ABCF1: variants seen among roughly 807,000 people sequenced by gnomAD.
ABCF1 encodes ATP binding cassette subfamily F member 1.
Under a neutral mutation model 126.3 loss-of-function variants are expected in ABCF1, and 73 were observed. The observed-to-expected ratio is 0.58, with a 90% CI of 0.48 to 0.70. The LOEUF (loss-of-function observed/expected upper bound fraction) is 0.70, where lower values mean the gene tolerates loss of function less well. ABCF1 is among the 30% of genes least tolerant of loss of function. The probability of loss-of-function intolerance (pLI) is 0.00; values close to 1 mark genes in which losing one functional copy is unlikely to be tolerated. For missense variants in ABCF1, 786 were observed against 1,057.5 expected (o/e 0.74, Z 3.56); for synonymous variants, 345 against 396.4 (o/e 0.87, Z 1.54).
intron 4 of ABCF1, 32 bp from the exon 5 acceptor site, chr6:30,578,316 T>C (rs751837341): frequency 6.2e-7 from 1 of 1,613,952 alleles, no homozygotes; most frequent in Non-Finnish European, 8.5e-7. Context: ...TGTAATTCTT[T>C]CCTATCTCAT....
Position 30,587,897 on chromosome 6 carries a change from G to GTT in ABCF1, c.2031+1197_2031+1198dup, listed in dbSNP as rs558653432. Among the ~76,000 whole-genome samples the GTT allele has an allele frequency of 2.2e-4, 31 of 141,974 alleles. 1 individual carries two copies. The highest frequency in any genetic ancestry group is 1.2e-3 in the East Asian group (6 of 4,952). The allele number at this position is 141,974 out of a possible 152,430, so 93.1% of individuals were successfully genotyped here. ...CAAGAGAAAAATCTGGAGATAACCA[G>GTT]TTTTTTTTTTTTGTTATTTTGTTTT... On this transcript the variant is annotated intron_variant, in intron 20 of 24. Coordinates refer to ENST00000326195, the MANE Select transcript of ABCF1 (RefSeq NM_001025091.2).
chr6:30,571,672 A>C, intron 1 of ABCF1, 112 bp downstream of exon 1: 1 of 1,186,478 alleles, frequency 8.4e-7, no homozygotes, highest in South Asian at 1.4e-5. Flanking sequence ...TGCGGGAGTT[A>C]CTGCGCATGC....
intron 8 of ABCF1, among the ~76,000 whole-genome samples, chr6:30,580,802 TA>T (rs1801779246): frequency 6.6e-6 from 1 of 151,966 alleles, no homozygotes; most frequent in African/African-American, 2.4e-5. Flanking sequence ...GCCTACTGAG[TA>T]GCTGGGACTA....
At position 30,574,852 on chromosome 6, in the gene ABCF1, G is replaced by A. The variant is rs117594551; in HGVS notation, c.74-2557G>A. On this transcript the variant is annotated intron_variant, in intron 1 of 24. Coordinates refer to ENST00000326195, the MANE Select transcript of ABCF1 (RefSeq NM_001025091.2). The surrounding 1 kb of genome is among the most constrained non-coding windows in gnomAD (Gnocchi z 4.3). ...AAAGGAACAGAAAGAAGCCAGTATC[G>A]AGACCAGAGGTGTGGGTAGGGAAAC... is the stretch of plus-strand genomic sequence containing the variant. Among the ~76,000 whole-genome samples, 2 of 152,174 alleles carry A rather than the reference G, an allele frequency of 1.3e-5. No homozygotes were observed. Among genetic ancestry groups the A allele is most frequent in the East Asian group, 1.9e-4 (1 of 5,180 alleles).
Position 30,583,698 on chromosome 6 carries a change from G to A in ABCF1, c.1006G>A (p.Gly336Arg). The A allele has an allele frequency of 6.2e-7, 1 of 1,614,098 alleles. No individual in the cohort carries two copies. Among genetic ancestry groups the A allele is most frequent in the South Asian group, 1.1e-5 (1 of 91,086 alleles). The change falls in exon 11 of 25, where the codon GGA (glycine) becomes AGA (arginine). Residue 336 changes from glycine to arginine, a missense_variant. Gly to Arg is a moderately radical substitution (Grantham distance 125, BLOSUM62 -2). Coordinates refer to ENST00000326195, the MANE Select transcript of ABCF1 (RefSeq NM_001025091.2). The surrounding 1 kb of genome is among the most constrained non-coding windows in gnomAD (Gnocchi z 4.1). The stretch of plus-strand genomic sequence containing the variant: ...AGCCGGCCGCCGCTACGGGCTGGTA[G>A]GACCCAATGGGTGAGAAGAGGAGGG... ...IVAGRRYGLV[G>R]PNGKGKTTLL...
Position 30,578,486 on chromosome 6 carries a change from C to T in ABCF1, c.398C>T (p.Ala133Val), listed in dbSNP as rs201652352. ...ATTCTCTAGGGTGGTAATGTTTTTG[C>T]AGCCCTGATTCAGGATCAGAGTGAG... ...GKKTKGGNVF[A>V]ALIQDQSEEE... The change falls in exon 6 of 25, where the codon GCA (alanine) becomes GTA (valine). Residue 133 changes from alanine (A) to valine (V), a missense_variant. By Grantham distance (64) the Ala-to-Val change is moderately conservative. Coordinates refer to ENST00000326195, the MANE Select transcript of ABCF1 (RefSeq NM_001025091.2). 1.1e-4 allele frequency: 180 copies of T among 1,613,914 alleles called. 1 individual carries two copies. In the East Asian group the frequency reaches 3.9e-3, roughly 35 times the overall value.
In ABCF1 at chr6:30,578,204, T is replaced by G; in HGVS notation, c.343+2T>G. 2 of 1,613,756 alleles carry G rather than the reference T, an allele frequency of 1.2e-6. No homozygotes were observed. Among genetic ancestry groups the G allele is most frequent in the South Asian group, 2.2e-5 (2 of 91,056 alleles). On this transcript the variant is annotated splice_donor_variant, in intron 4 of 24. Coordinates refer to ENST00000326195, the MANE Select transcript of ABCF1 (RefSeq NM_001025091.2). LOFTEE classifies it high-confidence loss of function. ...CAACCAGTGATGAGGAGGATGAAGGTAAATGACCTGAGGGGGAATGGGTAC... is the reference window on the plus strand; with the variant it reads ...CAACCAGTGATGAGGAGGATGAAGGGAAATGACCTGAGGGGGAATGGGTAC...
chr6:30,588,008 T>C (rs6941249), intron 20 of ABCF1, among the ~76,000 whole-genome samples: 6,323 of 152,068 alleles, frequency 0.042, 200 homozygotes, highest in African/African-American at 0.086. Context: ...GTTCAAGATA[T>C]TCTCCTGCCT....
rs1802165860 is a variant in ABCF1, at chr6:30,586,870, A to G, written c.2031+159A>G. Among the ~76,000 whole-genome samples the G allele has an allele frequency of 6.6e-6, 1 of 152,184 alleles. No individual in the cohort carries two copies. Among genetic ancestry groups the G allele is most frequent in the Admixed American group, 6.6e-5 (1 of 15,266 alleles). ...TAAGAGGGGCAGTAGAGGAGGAAAG[A>G]GCTTAGATCAGTTCAGGGGGGAGAG... On this transcript the variant is annotated intron_variant, in intron 20 of 24. Coordinates refer to ENST00000326195, the MANE Select transcript of ABCF1 (RefSeq NM_001025091.2). The surrounding 1 kb of genome is among the most constrained non-coding windows in gnomAD (Gnocchi z 4.9).
chr6:30,587,241 C>T (rs1203191940), intron 20 of ABCF1, among the ~76,000 whole-genome samples: 1 of 103,994 alleles, frequency 9.6e-6, no homozygotes, highest in Non-Finnish European at 1.9e-5. Context: ...CAGAGCGAGA[C>T]TCCATCTCAA....
chr6:30,585,356 C>A lies in ABCF1; in HGVS notation c.1475+13C>A. On this transcript the variant is annotated intron_variant, in intron 15 of 24. Transcript: ENST00000326195. ...TCTGGCTTAATAAGTGCGTTACGGC[C>A]TTTGCATCATTGGTTCCCATTCTGC... 6.2e-7 allele frequency: 1 copy of A among 1,612,158 alleles called. No homozygotes were observed. The highest frequency in any genetic ancestry group is 8.5e-7 in the Non-Finnish European group (1 of 1,178,882).
chr6:30,584,313 T>G lies in ABCF1; in HGVS notation c.1224T>G (p.Ala408=), dbSNP rs1304710690. 1.2e-6 allele frequency: 2 copies of G among 1,613,056 alleles called. No homozygotes were observed. The highest frequency in any genetic ancestry group is 3.3e-5 in the Admixed American group (2 of 60,012). Residue 408 remains alanine, a synonymous_variant, in exon 13 of 25, where the codon GCT becomes GCG. Coordinates refer to ENST00000326195, the MANE Select transcript of ABCF1 (RefSeq NM_001025091.2). The surrounding 1 kb of genome is among the most constrained non-coding windows in gnomAD (Gnocchi z 4.6). ...QGQLEQGDDT[A]AERLEKVYEE... is the part of the protein sequence containing the mutation. ...AGCTGGAACAAGGGGATGACACAGC[T>G]GCTGAGAGGCTAGAGAAGGTAGAGG...
rs774895158 is a variant in ABCF1, at chr6:30,578,478, T to C, written c.390T>C (p.Asn130=). 48 of 1,613,882 alleles carry C rather than the reference T, an allele frequency of 3.0e-5. No homozygotes were observed. The highest frequency in any genetic ancestry group is 4.0e-5 in the Non-Finnish European group (47 of 1,180,010). Residue 130 remains asparagine, a synonymous_variant, in exon 6 of 25, where the codon AAT becomes AAC. Coordinates refer to ENST00000326195, the MANE Select transcript of ABCF1 (RefSeq NM_001025091.2). ...PRGGKKTKGG[N]VFAALIQDQS... is the part of the protein sequence containing the mutation. Reference sequence around the variant, plus strand: ...GCCCTTTCATTCTCTAGGGTGGTAATGTTTTTGCAGCCCTGATTCAGGATC... The same window carrying C: ...GCCCTTTCATTCTCTAGGGTGGTAACGTTTTTGCAGCCCTGATTCAGGATC...
At chr6:30,582,138 GCTC>G (rs1280956777) in intron 8 of ABCF1, among the ~76,000 whole-genome samples, 1 of 151,512 alleles carries the variant, frequency 6.6e-6, no homozygotes, top group African/African-American at 2.4e-5. Context: ...CTCACTGCAA[GCTC>G]CTCCTCCCAG....
At position 30,580,399 on chromosome 6, in the gene ABCF1, C is replaced by A; in HGVS notation, c.565-7C>A. On this transcript the variant is annotated splice_region_variant and splice_polypyrimidine_tract_variant and intron_variant, in intron 7 of 24. Transcript: ENST00000326195. ...ACATTTCATCAGACCTGTCTTTTCC[C>A]TATTAGCCTCAAAATAAATTCGCTG... The A allele has an allele frequency of 6.7e-7, 1 of 1,489,900 alleles. No homozygotes were observed. 92.3% of individuals were successfully genotyped at this position (1,489,900 alleles called of 1,614,324 possible).
Position 30,583,211 on chromosome 6 carries a change from C to A in ABCF1, c.915+23C>A. ...AAGGTAAGGTCTCAAGGGGCCCCTTCCAGTCCACTTACCTAGGGAAGAGCC... is the reference window on the plus strand; with the variant it reads ...AAGGTAAGGTCTCAAGGGGCCCCTTACAGTCCACTTACCTAGGGAAGAGCC... On this transcript the variant is annotated intron_variant, in intron 10 of 24. Coordinates refer to ENST00000326195, the MANE Select transcript of ABCF1 (RefSeq NM_001025091.2). The surrounding 1 kb of genome is among the most constrained non-coding windows in gnomAD (Gnocchi z 4.1). The A allele has an allele frequency of 6.3e-7, 1 of 1,590,412 alleles. No individual in the cohort carries two copies.
chr6:30,582,209 A>G (rs1222447042), intron 8 of ABCF1, among the ~76,000 whole-genome samples, 185 bp from the exon 9 acceptor site: 3 of 151,906 alleles, frequency 2.0e-5, no homozygotes, highest in Non-Finnish European at 4.4e-5. Context: ...GGCGCCCGCC[A>G]CCACGTCCGG....
At chr6:30,576,106 G>T (rs887807434) in intron 1 of ABCF1, among the ~76,000 whole-genome samples, 1 of 148,254 alleles carries the variant, frequency 6.7e-6, no homozygotes. Flanking sequence ...GAGGGTGTGT[G>T]TGTGTTGTAT....
chr6:30,579,490 A>G (rs1257920140), intron 6 of ABCF1, among the ~76,000 whole-genome samples: 2 of 123,298 alleles, frequency 1.6e-5, no homozygotes, highest in African/African-American at 6.5e-5. Flanking sequence ...ACGGAGTCTC[A>G]CTCTGTTGCC....
Sources: allele counts gnomAD v4.1 joint callset (sites outside exome capture counted in the v4.1 genomes callset), GRCh38; gene constraint gnomAD v4.1.1; non-coding constraint Gnocchi (gnomAD v3.1); transcripts MANE v1.5; gene names NCBI Gene and HGNC (gene_info 2026-07-23, HGNC 2026-07-21).